Variants in PAPSS1 observed in about 807,000 individuals in gnomAD.
The protein encoded by PAPSS1 is 3'-phosphoadenosine 5'-phosphosulfate synthase 1, also known as bifunctional 3'-phosphoadenosine 5'-phosphosulfate synthase 1.
Under a neutral mutation model 72.0 loss-of-function variants are expected in PAPSS1, and 50 were observed. The observed-to-expected ratio is 0.69, with a 90% CI of 0.55 to 0.88. PAPSS1 has a LOEUF of 0.88. PAPSS1 is among the 40% of genes least tolerant of loss of function. The probability of loss-of-function intolerance (pLI) is 0.00; values close to 1 mark genes in which losing one functional copy is unlikely to be tolerated. For missense variants in PAPSS1, 657 were observed against 782.2 expected (o/e 0.84, Z 1.91); for synonymous variants, 261 against 263.6 (o/e 0.99, Z 0.09).
At chr4:107,625,971 G>A (rs1022954516) in intron 11 of PAPSS1, among the ~76,000 whole-genome samples, 3 of 151,078 alleles carry the variant, frequency 2.0e-5, no homozygotes, top group Admixed American at 1.3e-4. Flanking sequence ...CACAAGGTCA[G>A]ATCGAGACCA....
intron 10 of PAPSS1, among the ~76,000 whole-genome samples, chr4:107,644,262 T>C (rs543892030): frequency 1.3e-5 from 2 of 152,252 alleles, no homozygotes; most frequent in Admixed American, 6.5e-5. Context: ...CACCTTCCCC[T>C]AAGGCAGTCA....
chr4:107,682,065 A>T lies in PAPSS1; in HGVS notation c.619T>A (p.Cys207Ser), dbSNP rs760199441. ...TGCTGGACACAGTCATTTACATCAC[A>T]GGAGTCTGTTTTCAGCACCAACTCA... ...APELVLKTDS[C>S]DVNDCVQQVV... Residue 207 changes from cysteine (C) to serine (S), a missense_variant, in exon 5 of 12, where the codon TGT (cysteine) becomes AGT (serine). Transcript: ENST00000265174. The T allele has an allele frequency of 6.2e-7, 1 of 1,611,554 alleles. No homozygotes were observed. Among genetic ancestry groups the T allele is most frequent in the African/African-American group, 1.3e-5 (1 of 74,826 alleles).
chr4:107,644,815 G>A lies in PAPSS1; in HGVS notation c.1493C>T (p.Ala498Val). The A allele has an allele frequency of 6.2e-7, 1 of 1,612,042 alleles. No homozygotes were observed. Among genetic ancestry groups the A allele is most frequent in the South Asian group, 1.1e-5 (1 of 90,864 alleles). Residue 498 changes from alanine (A) to valine (V), a missense_variant, in exon 10 of 12, where the codon GCT (alanine) becomes GTT (valine). Transcript: ENST00000265174. The stretch of plus-strand genomic sequence containing the variant: ...CAAGCAGTCTACCTCAGTTGGTCCA[G>A]CATACATCATGGGAGATGGGAAGAT... The part of the protein sequence containing the change: ...VAIFPSPMMY[A>V]GPTEVQWHCR...
intron 6 of PAPSS1, 77 bp from the exon 7 acceptor site, chr4:107,657,084 T>C (rs1727034583): frequency 1.1e-6 from 1 of 911,118 alleles, no homozygotes; most frequent in African/African-American, 1.6e-5. Context: ...CTTTAGGAAT[T>C]TAATTTTGAA....
At chr4:107,663,333 G>A (rs1268288387) in intron 5 of PAPSS1, among the ~76,000 whole-genome samples, 5 of 152,062 alleles carry the variant, frequency 3.3e-5, no homozygotes, top group Admixed American at 1.3e-4. Context: ...AATTCTAACA[G>A]TGCAATCTTG....
chr4:107,694,236 T>C (rs541190246), intron 2 of PAPSS1: 1 of 482,664 alleles, frequency 2.1e-6, no homozygotes, highest in South Asian at 3.0e-5. Flanking sequence ...TATTTTATTA[T>C]TTGTAGAGAC....
At position 107,682,095 on chromosome 4, in the gene PAPSS1, C is replaced by T. The variant is rs776348010; in HGVS notation, c.589G>A (p.Ala197Thr). Residue 197 changes from alanine to threonine, a missense_variant, in exon 5 of 12, where the codon GCC (alanine) becomes ACC (threonine). By Grantham distance (58) the Ala-to-Thr change is moderately conservative (BLOSUM62 0). Around this residue, in one of 7 missense-constraint regions of PAPSS1, gnomAD observed 28 missense variants for 60.8 expected, o/e 0.46. Transcript: ENST00000265174. ...GIDSEYEKPE[A>T]PELVLKTDSC... The stretch of plus-strand genomic sequence containing the variant: ...TCTGTTTTCAGCACCAACTCAGGGG[C>T]CTCTGGCTTTTCATATTCAGAATCG... The T allele has an allele frequency of 2.5e-6, 4 of 1,609,926 alleles. No homozygotes were observed. Among genetic ancestry groups the T allele is most frequent in the Admixed American group, 1.7e-5 (1 of 59,814 alleles).
At chr4:107,659,330 T>C (rs1302000170) in intron 6 of PAPSS1, among the ~76,000 whole-genome samples, 1 of 152,248 alleles carries the variant, frequency 6.6e-6, no homozygotes, top group Non-Finnish European at 1.5e-5. Context: ...TTGGGTATTT[T>C]GGATTTTTAC....
intron 4 of PAPSS1, among the ~76,000 whole-genome samples, chr4:107,686,068 G>A (rs903811271): frequency 6.6e-6 from 1 of 152,142 alleles, no homozygotes. Context: ...ACAAGTCAAG[G>A]GATGTCTACA....
chr4:107,625,452 A>G (rs1416376563), intron 11 of PAPSS1, among the ~76,000 whole-genome samples: 2 of 152,196 alleles, frequency 1.3e-5, no homozygotes, highest in East Asian at 1.9e-4. Context: ...CAGCCCACAA[A>G]AAAAGACCAA....
intron 5 of PAPSS1, among the ~76,000 whole-genome samples, chr4:107,676,666 T>C (rs1442693349): frequency 3.3e-5 from 5 of 152,178 alleles, no homozygotes; most frequent in East Asian, 1.9e-4. Flanking sequence ...ACTTTCTTCA[T>C]AGAATTGGAA....
intron 6 of PAPSS1, 89 bp downstream of exon 6, chr4:107,659,870 G>C: frequency 1.5e-6 from 1 of 677,228 alleles, no homozygotes; most frequent in East Asian, 3.1e-5. Context: ...TACCACCCCT[G>C]GCCTCAAATA....
chr4:107,641,399 A>G (rs10461141), intron 10 of PAPSS1, among the ~76,000 whole-genome samples: 35,339 of 152,054 alleles, frequency 0.23, 4,194 homozygotes, highest in East Asian at 0.37. Context: ...TGTCCATGCT[A>G]TATTCAGAGT....
chr4:107,618,420 T>C (rs544257838), intron 11 of PAPSS1, among the ~76,000 whole-genome samples: 58 of 150,936 alleles, frequency 3.8e-4, no homozygotes, highest in Non-Finnish European at 7.2e-4. Flanking sequence ...CCAAGTTATA[T>C]AGGCAGGAGA....
chr4:107,642,275 A>G (rs115387777), intron 10 of PAPSS1, among the ~76,000 whole-genome samples: 5,341 of 152,224 alleles, frequency 0.035, 290 homozygotes, highest in African/African-American at 0.12. Context: ...TTAACGTTAT[A>G]TAATATTAAA....
chr4:107,709,233 A>G (rs1723425970), intron 1 of PAPSS1, among the ~76,000 whole-genome samples: 1 of 152,234 alleles, frequency 6.6e-6, no homozygotes, highest in Non-Finnish European at 1.5e-5. Flanking sequence ...CCAATTTTTC[A>G]AAGTAAATCA....
At chr4:107,697,515 C>T (rs1578429817) in intron 2 of PAPSS1, among the ~76,000 whole-genome samples, 1 of 152,238 alleles carries the variant, frequency 6.6e-6, no homozygotes, top group Non-Finnish European at 1.5e-5. Context: ...ACAACAAAAA[C>T]AACCTAAATT....
chr4:107,661,107 T>C (rs920041250), intron 5 of PAPSS1, among the ~76,000 whole-genome samples: 1 of 152,186 alleles, frequency 6.6e-6, no homozygotes, highest in Admixed American at 6.5e-5. Context: ...TATGAAAAGA[T>C]GTTCAACATC....
chr4:107,672,100 C>T (rs996696738), intron 5 of PAPSS1, among the ~76,000 whole-genome samples: 4 of 152,108 alleles, frequency 2.6e-5, no homozygotes, highest in Admixed American at 6.5e-5. Flanking sequence ...GCCAAGATGG[C>T]CGAATAGGAA....
Sources: allele counts gnomAD v4.1 joint callset (sites outside exome capture counted in the v4.1 genomes callset), GRCh38; gene constraint gnomAD v4.1.1; regional missense constraint gnomAD v4.1.1; transcripts MANE v1.5; gene names NCBI Gene and HGNC (gene_info 2026-07-23, HGNC 2026-07-21).